Variants in HERC2 observed in about 807,000 individuals in gnomAD.
HERC2 encodes the protein E3 ubiquitin-protein ligase HERC2.
Under a neutral mutation model 537.7 loss-of-function variants are expected in HERC2, and 102 were observed. That is an observed-to-expected ratio of 0.19 (90% CI 0.16 to 0.22). HERC2 has a LOEUF of 0.22. HERC2 is among the 10% of genes least tolerant of loss of function. The pLI is 1.00. For synonymous variants in HERC2, 2,224 were observed against 2,466.2 expected, an observed-to-expected ratio of 0.90 and a Z score of 2.91; for missense variants, 4,236 against 6,198.2, an observed-to-expected ratio of 0.68 and a Z score of 10.63.
intron 69 of HERC2, among the ~76,000 whole-genome samples, chr15:28,158,167 A>G (rs1285698853): frequency 1.3e-5 from 2 of 152,160 alleles, no homozygotes; most frequent in African/African-American, 4.8e-5. Context: ...TATGTGGTCA[A>G]TTTTGGAGTA....
rs1299063331 is a variant in HERC2 at position 28,262,901 on chromosome 15, T to C, written c.2122+17A>G. The C allele has an allele frequency of 1.9e-6, 3 of 1,607,864 alleles. No individual in the cohort carries two copies. Among genetic ancestry groups the C allele is most frequent in the Non-Finnish European group, 2.6e-6 (3 of 1,176,348 alleles). Reference sequence around the variant, plus strand: ...AAACTGTCCTGAAGGGTTTTAAAAGTTTACATTTGCACTCACCTTGCAAGC... The same window carrying C: ...AAACTGTCCTGAAGGGTTTTAAAAGCTTACATTTGCACTCACCTTGCAAGC... On this transcript the variant is annotated intron_variant, in intron 15 of 92. Coordinates refer to ENST00000261609, the MANE Select transcript of HERC2 (RefSeq NM_004667.6).
chr15:28,223,266 C>T (rs1900721420), intron 35 of HERC2, among the ~76,000 whole-genome samples: 1 of 152,088 alleles, frequency 6.6e-6, no homozygotes, highest in African/African-American at 2.4e-5. Context: ...TTCCCACTTG[C>T]TAAACTGAGA....
At chr15:28,114,514 C>T in intron 90 of HERC2, 98 bp downstream of exon 90, 1 of 1,050,012 alleles carries the variant, frequency 9.5e-7, no homozygotes, top group African/African-American at 1.5e-5. Context: ...CATTACTTTA[C>T]TGTGTATGAC....
chr15:28,132,482 G>A (rs1890209073), intron 80 of HERC2, among the ~76,000 whole-genome samples, 171 bp downstream of exon 80: 1 of 152,222 alleles, frequency 6.6e-6, no homozygotes, highest in Admixed American at 6.5e-5. Context: ...TCTTTGATGA[G>A]CCAACCCTAC....
intron 85 of HERC2, among the ~76,000 whole-genome samples, chr15:28,123,097 C>T (rs1889104262): frequency 6.6e-6 from 1 of 152,200 alleles, no homozygotes; most frequent in Non-Finnish European, 1.5e-5. Flanking sequence ...CCTCTCTCAT[C>T]AGAGAGATGG....
At chr15:28,174,131 T>C (rs1191646827) in intron 65 of HERC2, among the ~76,000 whole-genome samples, 2 of 152,158 alleles carry the variant, frequency 1.3e-5, no homozygotes, top group African/African-American at 2.4e-5. Flanking sequence ...AGGCAGTTAT[T>C]AGGAGTCCTG....
chr15:28,285,921 T>C (rs1287719065), intron 4 of HERC2, among the ~76,000 whole-genome samples: 5 of 151,824 alleles, frequency 3.3e-5, no homozygotes, highest in African/African-American at 4.8e-5. Context: ...CTTTGACAAC[T>C]TGGGCAAAAT....
At chr15:28,296,253 ATC>A (rs2076466693) in intron 3 of HERC2, among the ~76,000 whole-genome samples, 1 of 152,076 alleles carries the variant, frequency 6.6e-6, no homozygotes, top group African/African-American at 2.4e-5. Flanking sequence ...AGGTGGGCAG[ATC>A]ATGAGGTCAG....
At chr15:28,146,187 A>C in intron 71 of HERC2, 50 bp downstream of exon 71, 1 of 1,215,090 alleles carries the variant, frequency 8.2e-7, no homozygotes, top group Non-Finnish European at 1.2e-6. Context: ...GGTTGTGTCT[A>C]CGGAGACACA....
At position 28,188,539 on chromosome 15, in the gene HERC2, G is replaced by A. The variant is rs553932487; in HGVS notation, c.8650-1787C>T. ...AGCCTGGGTGACAGAGTGAGACTCC[G>A]TCTTAAAAAAAAAAAAAAAGAGTAC... On this transcript the variant is annotated intron_variant, in intron 55 of 92. Transcript: ENST00000261609. Among the ~76,000 whole-genome samples, 372 of 137,834 alleles carry A rather than the reference G, an allele frequency of 2.7e-3. 2 individuals are homozygous for A. Among genetic ancestry groups the A allele is most frequent in the East Asian group, 6.1e-3 (31 of 5,050 alleles). The allele number at this position is 137,834 out of a possible 152,430, so 90.4% of individuals were successfully genotyped here.
At chr15:28,280,388 G>A in intron 4 of HERC2, 101 bp from the exon 5 acceptor site, 1 of 930,412 alleles carries the variant, frequency 1.1e-6, no homozygotes, top group East Asian at 2.6e-5. Context: ...GTACTCGAAG[G>A]CATGATATGT....
chr15:28,117,623 A>G (rs535857864), intron 86 of HERC2: 2 of 445,564 alleles, frequency 4.5e-6, no homozygotes, highest in African/African-American at 2.0e-5. Flanking sequence ...ATTCAACCCA[A>G]TGCCCCTGAG....
At chr15:28,128,291 G>A (rs1889724919) in intron 83 of HERC2, among the ~76,000 whole-genome samples, 1 of 152,208 alleles carries the variant, frequency 6.6e-6, no homozygotes, top group South Asian at 2.1e-4. Flanking sequence ...GGGTGGGGGA[G>A]TGTGAACTGG....
At chr15:28,226,897 G>GAGTC (rs967845150) in intron 35 of HERC2, among the ~76,000 whole-genome samples, 1 of 152,224 alleles carries the variant, frequency 6.6e-6, no homozygotes, top group African/African-American at 2.4e-5. Flanking sequence ...TCTGAGGACT[G>GAGTC]GTGTTAATTC....
intron 63 of HERC2, 111 bp from the exon 64 acceptor site, chr15:28,175,767 C>T: frequency 2.0e-6 from 2 of 1,004,940 alleles, no homozygotes; most frequent in Admixed American, 2.1e-5. Context: ...TGACATCACA[C>T]ACAGCACCCA....
At chr15:28,188,947 G>A (rs1319727014) in intron 55 of HERC2, among the ~76,000 whole-genome samples, 1 of 152,032 alleles carries the variant, frequency 6.6e-6, no homozygotes. Context: ...AATTAGCTGG[G>A]TGAGGTGGTG....
intron 52 of HERC2, among the ~76,000 whole-genome samples, chr15:28,193,851 A>AT: frequency 6.6e-6 from 1 of 152,316 alleles, no homozygotes; most frequent in Middle Eastern, 3.4e-3. Context: ...AAATAAAGAC[A>AT]TTTTCAGACA....
chr15:28,121,424 C>A lies in HERC2; in HGVS notation c.13194G>T (p.Ala4398=). 4.3e-6 allele frequency: 7 copies of A among 1,613,928 alleles called. No individual in the cohort carries two copies. Among genetic ancestry groups the A allele is most frequent in the Non-Finnish European group, 5.9e-6 (7 of 1,179,848 alleles). Residue 4398 remains alanine, a synonymous_variant, in exon 86 of 93, where the codon GCG becomes GCT. Coordinates refer to ENST00000261609, the MANE Select transcript of HERC2 (RefSeq NM_004667.6). The part of the protein sequence containing the change: ...RGILISQGKE[A]AFRKVVQATM... ...TTGCTTGTACTACTTTCCGGAAAGC[C>A]GCCTCCTAAAACACATCAAACAGAC...
At chr15:28,250,565 T>A (rs1417128878) in intron 20 of HERC2, among the ~76,000 whole-genome samples, 2 of 152,232 alleles carry the variant, frequency 1.3e-5, no homozygotes, top group Non-Finnish European at 2.9e-5. Context: ...GTAAATGGTA[T>A]TCTGTGGCTC....
Sources: gnomAD v4.1 joint callset for allele counts (sites outside exome capture counted in the v4.1 genomes callset) on GRCh38, gnomAD v4.1.1 for gene constraint, MANE v1.5 for transcripts, NCBI Gene and HGNC (gene_info 2026-07-23, HGNC 2026-07-21) for gene names.